GRXCR2: variants seen among roughly 807,000 people sequenced by gnomAD.
GRXCR2 encodes the protein glutaredoxin and cysteine rich domain containing 2, also known as glutaredoxin domain-containing cysteine-rich protein 2.
In GRXCR2, 23 loss-of-function variants were observed where a neutral mutation model predicts 24.8. That is an observed-to-expected ratio of 0.93 (90% CI 0.67 to 1.32). The LOEUF is 1.32. Among genes scored for constraint, GRXCR2 ranks in the 40% most tolerant of loss-of-function variants. GRXCR2 has a pLI of 0.00. For missense variants in GRXCR2, 315 were observed against 303.4 expected (o/e 1.04, Z -0.28); for synonymous variants, 130 against 116.1 (o/e 1.12, Z -0.77).
rs540841576 is a variant in GRXCR2 at position 145,924,488 on chromosome 5, G to A, written c.-70+11213C>T. 7.2e-5 allele frequency among the ~76,000 whole-genome samples: 11 copies of A among 152,236 alleles called. No individual in the cohort carries two copies. In the South Asian group the frequency reaches 2.3e-3, roughly 32 times the overall value. Reference sequence around the variant, plus strand: ...TGTGTTTCTTGGAGATTAACCTGATGTTACTCTGAGAAGGCTCTGTATGTT... The same window carrying A: ...TGTGTTTCTTGGAGATTAACCTGATATTACTCTGAGAAGGCTCTGTATGTT... On this transcript the variant is annotated intron_variant, in intron 2 of 3. Transcript: ENST00000639411.
At chr5:145,914,710 G>C (rs887959259) in intron 2 of GRXCR2, among the ~76,000 whole-genome samples, 6 of 145,660 alleles carry the variant, frequency 4.1e-5, no homozygotes, top group African/African-American at 1.5e-4. Context: ...AAATCTGATT[G>C]AGTTTCTACA....
intron 2 of GRXCR2, among the ~76,000 whole-genome samples, chr5:145,898,989 T>C (rs1756989878): frequency 6.6e-6 from 1 of 152,036 alleles, no homozygotes; most frequent in Non-Finnish European, 1.5e-5. Context: ...TTGTGGACAA[T>C]ACAATTCTAG....
At chr5:145,880,772 A>G (rs1756689062) in intron 2 of GRXCR2, among the ~76,000 whole-genome samples, 1 of 152,200 alleles carries the variant, frequency 6.6e-6, no homozygotes. Context: ...TGAGTGCGAA[A>G]ATTCTCAATA....
At chr5:145,897,518 C>A (rs1165451910) in intron 2 of GRXCR2, among the ~76,000 whole-genome samples, 2 of 151,980 alleles carry the variant, frequency 1.3e-5, no homozygotes, top group Non-Finnish European at 2.9e-5. Context: ...AATATACATT[C>A]TTCTAATCTG....
At chr5:145,896,008 C>A (rs1247961829) in intron 2 of GRXCR2, among the ~76,000 whole-genome samples, 1 of 152,182 alleles carries the variant, frequency 6.6e-6, no homozygotes, top group Admixed American at 6.5e-5. Flanking sequence ...CTTTGACAAA[C>A]CTGACAAAAA....
At chr5:145,921,378 C>T (rs1757318900) in intron 2 of GRXCR2, among the ~76,000 whole-genome samples, 1 of 152,218 alleles carries the variant, frequency 6.6e-6, no homozygotes, top group Non-Finnish European at 1.5e-5. Flanking sequence ...AAATCCACCT[C>T]TACAGCAATT....
chr5:145,867,374 A>G (rs1278214238), intron 1 of GRXCR2, among the ~76,000 whole-genome samples: 2 of 152,138 alleles, frequency 1.3e-5, no homozygotes, highest in African/African-American at 4.8e-5. Flanking sequence ...TTTACCACCT[A>G]TATCACACTA....
At chr5:145,929,199 C>CATATATATATATATATATATATATA (rs373040257) in intron 2 of GRXCR2, among the ~76,000 whole-genome samples, 2 of 116,508 alleles carry the variant, frequency 1.7e-5, no homozygotes, top group Admixed American at 8.9e-5. Context: ...ATATTCCCCC[C>CATATATATATATATATATATATATA]TATATATATA....
intron 2 of GRXCR2, among the ~76,000 whole-genome samples, chr5:145,929,197 CCCTATATA>C (rs2149931169): frequency 1.5e-5 from 1 of 67,722 alleles, no homozygotes; most frequent in African/African-American, 7.3e-5. Flanking sequence ...TAATATTCCC[CCCTATATA>C]TATATATATA....
At chr5:145,889,172 A>AAAAAAAAAGAAAGAAAG (rs757883920) in intron 2 of GRXCR2, among the ~76,000 whole-genome samples, 4 of 83,982 alleles carry the variant, frequency 4.8e-5, no homozygotes, top group African/African-American at 1.9e-4. Context: ...CTGTCTCAAA[A>AAAAAAAAAGAAAGAAAG]AAAGAAAGAA....
chr5:145,923,669 T>G (rs1402148265), intron 2 of GRXCR2, among the ~76,000 whole-genome samples: 1 of 152,228 alleles, frequency 6.6e-6, no homozygotes, highest in Non-Finnish European at 1.5e-5. Flanking sequence ...ATTCCCTGCA[T>G]GCACTTAAGT....
intron 1 of GRXCR2, among the ~76,000 whole-genome samples, chr5:145,869,393 A>C (rs1042510274): frequency 3.9e-5 from 6 of 152,116 alleles, no homozygotes; most frequent in African/African-American, 1.2e-4. Context: ...AATTGCTTAA[A>C]ATATTTTTAT....
chr5:145,888,956 T>C (rs1010294824), intron 2 of GRXCR2, among the ~76,000 whole-genome samples: 2 of 151,966 alleles, frequency 1.3e-5, no homozygotes, highest in Admixed American at 6.6e-5. Context: ...GGCAGGTCAC[T>C]TGAGGCCAGG....
chr5:145,915,706 C>T (rs1757227476), intron 2 of GRXCR2, among the ~76,000 whole-genome samples: 1 of 151,610 alleles, frequency 6.6e-6, no homozygotes, highest in African/African-American at 2.4e-5. Context: ...TGCATTCCAG[C>T]CTGGGTGACA....
intron 2 of GRXCR2, among the ~76,000 whole-genome samples, chr5:145,920,636 T>TG (rs1757308627): frequency 6.6e-6 from 1 of 152,064 alleles, no homozygotes; most frequent in South Asian, 2.1e-4. Context: ...TGACAGAGGG[T>TG]GGGGGTGACA....
intron 2 of GRXCR2, among the ~76,000 whole-genome samples, chr5:145,879,956 C>G (rs549220096): frequency 2.0e-5 from 3 of 152,148 alleles, no homozygotes; most frequent in South Asian, 4.2e-4. Flanking sequence ...GGGTAAATAA[C>G]GAAATGAAGG....
intron 2 of GRXCR2, among the ~76,000 whole-genome samples, chr5:145,917,062 C>CAT (rs1757251056): frequency 7.0e-6 from 1 of 142,402 alleles, no homozygotes; most frequent in South Asian, 2.3e-4. Context: ...TCCTAAGCAT[C>CAT]TTTTTTTTTT....
chr5:145,913,181 C>T (rs1466360220), intron 2 of GRXCR2, among the ~76,000 whole-genome samples: 3 of 152,306 alleles, frequency 2.0e-5, no homozygotes, highest in South Asian at 2.1e-4. Context: ...GGGTAGATTA[C>T]CACCAACCAA....
chr5:145,867,222 A>G (rs1261855914), intron 1 of GRXCR2, among the ~76,000 whole-genome samples: 1 of 152,126 alleles, frequency 6.6e-6, no homozygotes, highest in Non-Finnish European at 1.5e-5. Flanking sequence ...AAACATCCCT[A>G]TGAGGCAGAT....
Sources: allele counts gnomAD v4.1 joint callset (sites outside exome capture counted in the v4.1 genomes callset), GRCh38; gene constraint gnomAD v4.1.1; transcripts MANE v1.5; gene names NCBI Gene and HGNC (gene_info 2026-07-23, HGNC 2026-07-21).